The following CHRD variants were observed in gnomAD, a reference collection of about 807,000 sequenced individuals.
CHRD encodes the protein chordin.
A neutral mutation model predicts 113.7 loss-of-function variants in CHRD; 69 were observed. The ratio of observed to expected loss-of-function variants is 0.61; its 90% CI spans 0.50 to 0.74. The LOEUF (loss-of-function observed/expected upper bound fraction) is 0.74. Ranked by LOEUF, CHRD falls within the 30% of genes least tolerant of loss-of-function variation. CHRD has a pLI of 0.00. For missense variants in CHRD, 1,194 were observed against 1,295.8 expected (o/e 0.92, Z 1.21); for synonymous variants, 561 against 540.8 (o/e 1.04, Z -0.52).
At chr3:184,386,304 G>A (rs900260520) in intron 15 of CHRD, 145 bp downstream of exon 15, 6 of 1,198,664 alleles carry the variant, frequency 5.0e-6, no homozygotes, top group African/African-American at 4.6e-5. Context: ...GGGAGGATGA[G>A]CTACATGAGG....
chr3:184,386,399 G>T, intron 15 of CHRD, 93 bp from the exon 16 acceptor site: 1 of 1,493,346 alleles, frequency 6.7e-7, no homozygotes, highest in South Asian at 1.3e-5. Context: ...CAGCGCTCAG[G>T]GGGCCGAGGT....
chr3:184,388,072 G>T lies in CHRD; in HGVS notation c.2554+39G>T, dbSNP rs757538543. The T allele has an allele frequency of 3.2e-6, 5 of 1,573,078 alleles. No homozygotes were observed. Among genetic ancestry groups the T allele is most frequent in the African/African-American group, 1.3e-5 (1 of 74,314 alleles). ...CTGAGCACTGAGGCCTCACCTTTGGGTTGAGGCAGGCTTTGTCCTGGGTGA... is the reference window on the plus strand; with the variant it reads ...CTGAGCACTGAGGCCTCACCTTTGGTTTGAGGCAGGCTTTGTCCTGGGTGA... On this transcript the variant is annotated intron_variant, in intron 20 of 22. Transcript: ENST00000204604. The surrounding 1 kb of genome is among the most constrained non-coding windows in gnomAD (Gnocchi z 6.1).
rs746531193 is a variant in CHRD at position 184,387,999 on chromosome 3, T to C, written c.2520T>C (p.Arg840=). ...GGCTGGCCTGTGCCCAGCCTGTGCG[T>C]GTCAACCCCACCGACTGCTGCAAAC... Residue 840 remains arginine (R), a synonymous_variant, in exon 20 of 23, where the codon CGT becomes CGC. Coordinates refer to ENST00000204604, the Ensembl canonical transcript of CHRD. The surrounding 1 kb of genome is among the most constrained non-coding windows in gnomAD (Gnocchi z 6.1). 6.2e-7 allele frequency: 1 copy of C among 1,613,816 alleles called. No homozygotes were observed. The highest frequency in any genetic ancestry group is 2.2e-5 in the East Asian group (1 of 44,866).
chr3:184,382,801 G>T, intron 8 of CHRD, 27 bp downstream of exon 8: 5 of 1,613,358 alleles, frequency 3.1e-6, no homozygotes, highest in Non-Finnish European at 4.2e-6. Flanking sequence ...CAAAACACGT[G>T]AGAAGGTTAG....
exon 23 of CHRD, chr3:184,389,560 T>C: frequency 5.6e-6 from 4 of 720,206 alleles, no homozygotes; most frequent in Non-Finnish European, 9.4e-6. Context: ...CCACCCCCAC[T>C]ACCTCTGGGA....
rs1716486399 is a variant in CHRD at position 184,387,312 on chromosome 3, C to A, written c.2348-62C>A. ...TGTGGGGGTGGCCTGAGGCTCAAGC[C>A]TTGGTTGTGGGCCCAGCTGATGAGC... is the stretch of plus-strand genomic sequence containing the variant. On this transcript the variant is annotated intron_variant, in intron 18 of 22. Coordinates refer to ENST00000204604, the Ensembl canonical transcript of CHRD. This position sits in a 1 kb window ranked among gnomAD's most constrained non-coding sequence, Gnocchi z 6.1. The A allele has an allele frequency of 6.5e-7, 1 of 1,546,040 alleles. No homozygotes were observed. Among genetic ancestry groups the A allele is most frequent in the Non-Finnish European group, 8.8e-7 (1 of 1,142,192 alleles).
rs768329403 is a variant in CHRD, at chr3:184,381,907, G to C, written c.612-26G>C. 1.2e-6 allele frequency: 2 copies of C among 1,613,694 alleles called. No individual in the cohort carries two copies. Among genetic ancestry groups the C allele is most frequent in the African/African-American group, 1.3e-5 (1 of 75,052 alleles). On this transcript the variant is annotated intron_variant, in intron 5 of 22. Transcript: ENST00000204604. This position sits in a 1 kb window ranked among gnomAD's most constrained non-coding sequence, Gnocchi z 4.7. Reference sequence around the variant, plus strand: ...GGAGGGGCTGCTTTTGGCTCAGTCCGGCCTCACCCGACCTCTCATTCCCAG... The same window carrying C: ...GGAGGGGCTGCTTTTGGCTCAGTCCCGCCTCACCCGACCTCTCATTCCCAG...
At chr3:184,383,188 C>CG (rs1426092780) in intron 10 of CHRD, 25 bp downstream of exon 10, 1 of 1,590,266 alleles carries the variant, frequency 6.3e-7, no homozygotes, top group Non-Finnish European at 8.6e-7. Context: ...GGGCCTGGTG[C>CG]GCCGGGCATG....
At chr3:184,383,764 T>A in intron 12 of CHRD, 122 bp downstream of exon 12, 1 of 984,248 alleles carries the variant, frequency 1.0e-6, no homozygotes, top group Non-Finnish European at 1.4e-6. Flanking sequence ...CTCATTCATT[T>A]ATTCATTTGA....
rs1263534727 is a variant in CHRD, at chr3:184,381,018, C to T, written c.253-217C>T. 1 of 741,320 alleles carries T rather than the reference C, an allele frequency of 1.3e-6. No individual in the cohort carries two copies. The highest frequency in any genetic ancestry group is 1.7e-5 in the African/African-American group (1 of 57,978). The allele number at this position is 741,320 out of a possible 1,614,324, so 45.9% of individuals were successfully genotyped here. On this transcript the variant is annotated intron_variant, in intron 2 of 22. Transcript: ENST00000204604. The surrounding 1 kb of genome is among the most constrained non-coding windows in gnomAD (Gnocchi z 4.7). The stretch of plus-strand genomic sequence containing the variant: ...TGCCAACTCCGTTTCGTTCCCTGCT[C>T]ATCTAACTCTCATGGCAGCCTTGCT...
At chr3:184,382,921 G>A in exon 9 of CHRD, 1 of 1,614,020 alleles carries the variant, frequency 6.2e-7, no homozygotes, top group Non-Finnish European at 8.5e-7. Context: ...AGAACTTCAG[G>A]CCAATGTCTC....
chr3:184,383,444 G>A (rs753192833), intron 11 of CHRD, 26 bp downstream of exon 11: 1 of 1,613,184 alleles, frequency 6.2e-7, no homozygotes, highest in Non-Finnish European at 8.5e-7. Context: ...TGCAGAAGGT[G>A]GGGGAGGGGT....
Position 184,380,260 on chromosome 3 carries a change from C to A in CHRD, c.-59C>A. The stretch of plus-strand genomic sequence containing the variant: ...CCGCCCTCCGCACTCCCGCCTCCCT[C>A]CCTCCGCCCGCTCCCGCGCCCTCCT... On this transcript the variant is annotated 5_prime_UTR_variant, in exon 1 of 23. Transcript: ENST00000204604. This position sits in a 1 kb window ranked among gnomAD's most constrained non-coding sequence, Gnocchi z 6.3. 3 of 696,722 alleles carry A rather than the reference C, an allele frequency of 4.3e-6. No individual in the cohort carries two copies. Among genetic ancestry groups the A allele is most frequent in the Non-Finnish European group, 5.7e-6 (3 of 526,668 alleles). 43.2% of individuals were successfully genotyped at this position (696,722 alleles called of 1,614,324 possible). A position where few individuals can be genotyped will look rare whatever the true frequency, so the allele number is the denominator to read the frequency against.
rs755298701 is a variant in CHRD, at chr3:184,381,234, G to A, written c.253-1G>A. ...GGGTTTCCCGCCTTTTCCGGGAGCA[G>A]CCTCAGTGGGGTCGCCGTACCAGGG... On this transcript the variant is annotated splice_acceptor_variant, in intron 2 of 22. Transcript: ENST00000204604. LOFTEE classifies it high-confidence loss of function. The surrounding 1 kb of genome is among the most constrained non-coding windows in gnomAD (Gnocchi z 4.7). The A allele has an allele frequency of 6.2e-7, 1 of 1,613,318 alleles. No homozygotes were observed. Among genetic ancestry groups the A allele is most frequent in the South Asian group, 1.1e-5 (1 of 91,084 alleles).
chr3:184,389,431 C>G, exon 23 of CHRD: 1 of 1,612,934 alleles, frequency 6.2e-7, no homozygotes, highest in Non-Finnish European at 8.5e-7. Context: ...AGGGAGCAGC[C>G]AGAGGGCCAA....
At chr3:184,382,726 T>C in exon 8 of CHRD, 1 of 1,613,918 alleles carries the variant, frequency 6.2e-7, no homozygotes, top group African/African-American at 1.3e-5. Context: ...AGAGGACTCC[T>C]TGCATTTTTT....
Position 184,381,532 on chromosome 3 carries a change from C to A in CHRD, c.419C>A (p.Ser140Tyr). The A allele has an allele frequency of 6.2e-7, 1 of 1,606,634 alleles. No homozygotes were observed. Among genetic ancestry groups the A allele is most frequent in the Non-Finnish European group, 8.5e-7 (1 of 1,177,218 alleles). Residue 140 changes from serine to tyrosine, a missense_variant, in exon 4 of 23, where the codon TCC (serine) becomes TAC (tyrosine). Ser to Tyr is a moderately radical substitution (Grantham distance 144). Coordinates refer to ENST00000204604, the Ensembl canonical transcript of CHRD. The surrounding 1 kb of genome is among the most constrained non-coding windows in gnomAD (Gnocchi z 4.7). ...TCGGAGCGGCAGCCGAGCGGCCTGT[C>A]CTTCGAGTATCCGCGGGACCCGGAG...
chr3:184,388,572 T>C lies in CHRD; in HGVS notation c.2555-15T>C, dbSNP rs747574166. 1 of 1,604,354 alleles carries C rather than the reference T, an allele frequency of 6.2e-7. No homozygotes were observed. The highest frequency in any genetic ancestry group is 8.5e-7 in the Non-Finnish European group (1 of 1,178,774). ...GGTCCTCCTGGGCTGATCCTTTCTCTTTCCCTCTCAACAGTGGGGTCGGGG... is the reference window on the plus strand; with the variant it reads ...GGTCCTCCTGGGCTGATCCTTTCTCCTTCCCTCTCAACAGTGGGGTCGGGG... On this transcript the variant is annotated splice_polypyrimidine_tract_variant and intron_variant, in intron 20 of 22. Transcript: ENST00000204604. The surrounding 1 kb of genome is among the most constrained non-coding windows in gnomAD (Gnocchi z 6.1).
chr3:184,384,902 C>T lies in CHRD; in HGVS notation c.1598-116C>T. ...ACTTGCTGCTCTCCAGGCCCTGGAC[C>T]TATGGACAGTGTCTTCCAGCTCGTG... On this transcript the variant is annotated intron_variant, in intron 13 of 22. Transcript: ENST00000204604. This position sits in a 1 kb window ranked among gnomAD's most constrained non-coding sequence, Gnocchi z 4.4. The T allele has an allele frequency of 7.9e-7, 1 of 1,273,198 alleles. No homozygotes were observed. The highest frequency in any genetic ancestry group is 1.1e-6 in the Non-Finnish European group (1 of 900,022). The allele number at this position is 1,273,198 out of a possible 1,614,324, so 78.9% of individuals were successfully genotyped here.
Sources: gnomAD v4.1 joint callset for allele counts on GRCh38, gnomAD v4.1.1 for gene constraint, Gnocchi (gnomAD v3.1) non-coding constraint, MANE v1.5 for transcripts, NCBI Gene and HGNC (gene_info 2026-07-23, HGNC 2026-07-21) for gene names.